The following RALY variants were observed in gnomAD, a reference collection of about 807,000 sequenced individuals.
RALY encodes the protein RNA-binding protein Raly.
In RALY, 15 loss-of-function variants were observed where a neutral mutation model predicts 30.7. The ratio of observed to expected loss-of-function variants is 0.49; its 90% confidence interval spans 0.33 to 0.75. RALY has a LOEUF of 0.75. RALY is among the 30% of genes least tolerant of loss of function. RALY has a pLI of 0.02. For synonymous variants in RALY, 177 were observed against 170.8 expected (o/e 1.04, Z -0.28); for missense variants, 339 against 414.3 (o/e 0.82, Z 1.58).
intron 2 of RALY, among the ~76,000 whole-genome samples, chr20:34,064,413 G>T (rs1185553573): frequency 6.6e-6 from 1 of 152,152 alleles, no homozygotes; most frequent in East Asian, 1.9e-4. Flanking sequence ...ATTAGATATG[G>T]ATACCAATGT....
rs781060935 is a variant in RALY at position 34,077,095 on chromosome 20, T to A, written c.726T>A (p.Gly242=). The change falls in exon 8 of 10, where the codon GGT becomes GGA. Residue 242 remains glycine (G), a synonymous_variant. Transcript: ENST00000246194. The part of the protein sequence containing the change: ...GGGGGGGSGG[G]GSGGGGGGGS... ...GCGGTGGTGGTGGCAGCGGTGGCGG[T>A]GGCAGTGGTGGTGGCGGTGGCGGTG... 3.1e-5 allele frequency: 49 copies of A among 1,603,552 alleles called. No homozygotes were observed. The highest frequency in any genetic ancestry group is 3.9e-5 in the Non-Finnish European group (46 of 1,175,032).
Position 34,079,962 on chromosome 20 carries a change from T to G in RALY, c.*57T>G, listed in dbSNP as rs753723061. 64 of 152,466 alleles carry G rather than the reference T, an allele frequency of 4.2e-4. No individual in the cohort carries two copies. The highest frequency in any genetic ancestry group is 7.5e-4 in the Non-Finnish European group (51 of 68,240). The allele number at this position is 152,466 out of a possible 1,614,324, so 9.4% of individuals were successfully genotyped here. On this transcript the variant is annotated 3_prime_UTR_variant, in exon 10 of 10. Coordinates refer to ENST00000246194, the MANE Select transcript of RALY (RefSeq NM_016732.3). ...GTGAAGGGCATCGCTGCCCCAGGCC[T>G]CAAGCCGGGCACCCAACCCTGGATG...
At position 33,993,959 on chromosome 20, in the gene RALY, C is replaced by T. The variant is rs943373415; in HGVS notation, c.-265C>T. On this transcript the variant is annotated 5_prime_UTR_variant, in exon 1 of 10. Coordinates refer to ENST00000246194, the MANE Select transcript of RALY (RefSeq NM_016732.3). Reference sequence around the variant, plus strand: ...CGGCGCCAGCTCGGGGCAGCGGAACCCAGAGAAGCTGAGGGGGCGGTAGCG... The same window carrying T: ...CGGCGCCAGCTCGGGGCAGCGGAACTCAGAGAAGCTGAGGGGGCGGTAGCG... The T allele has an allele frequency of 2.0e-5, 3 of 152,038 alleles. No homozygotes were observed. The highest frequency in any genetic ancestry group is 2.9e-5 in the Non-Finnish European group (2 of 67,986). 9.4% of individuals were successfully genotyped at this position (152,038 alleles called of 1,614,324 possible).
intron 3 of RALY, among the ~76,000 whole-genome samples, chr20:34,072,964 G>GAA (rs1238521124): frequency 1.3e-5 from 2 of 151,888 alleles, no homozygotes; most frequent in Non-Finnish European, 2.9e-5. Context: ...GTGTGTGAGA[G>GAA]AGAGAACATA....
chr20:34,069,248 G>C (rs1474882085), intron 2 of RALY, among the ~76,000 whole-genome samples: 3 of 152,210 alleles, frequency 2.0e-5, no homozygotes, highest in Non-Finnish European at 4.4e-5. Context: ...ACAAGATCTT[G>C]TGAAGGGCTT....
intron 2 of RALY, among the ~76,000 whole-genome samples, chr20:34,036,931 T>C (rs2032517722): frequency 6.6e-6 from 1 of 152,152 alleles, no homozygotes; most frequent in Admixed American, 6.5e-5. Flanking sequence ...TTTTTTATTA[T>C]TTTCTGTTTT....
chr20:34,072,398 A>AC, intron 3 of RALY, 68 bp downstream of exon 3: 1 of 1,517,502 alleles, frequency 6.6e-7, no homozygotes, highest in Non-Finnish European at 8.8e-7. Flanking sequence ...CCAGTTCTCA[A>AC]CCCCCTTCTC....
chr20:34,051,511 T>C (rs1249742265), intron 2 of RALY, among the ~76,000 whole-genome samples: 5 of 152,332 alleles, frequency 3.3e-5, no homozygotes, highest in Admixed American at 3.3e-4. Context: ...GTACAGAACA[T>C]GTGTTAGGAG....
At chr20:34,022,409 A>G (rs2031862997) in intron 1 of RALY, among the ~76,000 whole-genome samples, 1 of 152,004 alleles carries the variant, frequency 6.6e-6, no homozygotes, top group South Asian at 2.1e-4. Flanking sequence ...TTGTGGGTGG[A>G]GGGGCTTATG....
chr20:34,041,418 CAG>C (rs1474810090), intron 2 of RALY, among the ~76,000 whole-genome samples: 2 of 152,224 alleles, frequency 1.3e-5, no homozygotes, highest in African/African-American at 4.8e-5. Context: ...CTTTATGTGA[CAG>C]AGCCAGGGGC....
chr20:34,050,823 A>G (rs189435924), intron 2 of RALY, among the ~76,000 whole-genome samples: 31 of 152,256 alleles, frequency 2.0e-4, no homozygotes, highest in Non-Finnish European at 3.7e-4. Flanking sequence ...CCAGTATGCT[A>G]TCTCTATTCA....
intron 1 of RALY, among the ~76,000 whole-genome samples, chr20:34,022,127 A>G (rs1350565353): frequency 2.1e-5 from 3 of 140,986 alleles, no homozygotes; most frequent in Non-Finnish European, 3.1e-5. Flanking sequence ...ACAATGTCTC[A>G]CTTGGCTGCC....
intron 5 of RALY, among the ~76,000 whole-genome samples, chr20:34,074,118 G>A (rs1463447816): frequency 2.0e-5 from 3 of 152,148 alleles, no homozygotes; most frequent in African/African-American, 7.2e-5. Context: ...CTTGGGTGAG[G>A]CTCAAGGAGA....
chr20:34,016,920 C>G (rs1453827884), intron 1 of RALY, among the ~76,000 whole-genome samples: 1 of 152,236 alleles, frequency 6.6e-6, no homozygotes, highest in African/African-American at 2.4e-5. Flanking sequence ...TGTAGCCAGG[C>G]CTGGGGAGCC....
chr20:34,021,513 T>C (rs974004711), intron 1 of RALY, among the ~76,000 whole-genome samples: 1 of 152,178 alleles, frequency 6.6e-6, no homozygotes, highest in Non-Finnish European at 1.5e-5. Flanking sequence ...GCAGACACTT[T>C]CCTGCAGTAA....
intron 2 of RALY, among the ~76,000 whole-genome samples, chr20:34,036,008 G>A (rs961805814): frequency 2.0e-5 from 3 of 152,150 alleles, no homozygotes; most frequent in Non-Finnish European, 2.9e-5. Flanking sequence ...TGGAGTAAAC[G>A]AAGGGGGAGA....
intron 2 of RALY, among the ~76,000 whole-genome samples, chr20:34,059,864 C>G (rs2123209430): frequency 6.6e-6 from 1 of 152,278 alleles, no homozygotes; most frequent in South Asian, 2.1e-4. Context: ...GGCCCTGTTG[C>G]CCAGCAGGGG....
At chr20:34,027,022 A>T (rs1449686777) in intron 1 of RALY, among the ~76,000 whole-genome samples, 1 of 152,068 alleles carries the variant, frequency 6.6e-6, no homozygotes, top group African/African-American at 2.4e-5. Flanking sequence ...ATGACCCAAG[A>T]CCCATATGAC....
chr20:34,072,957 T>A lies in RALY; in HGVS notation c.257-606T>A, dbSNP rs868622716. ...GTGTGTGTGTGTGTGTGTGTGTGTG[T>A]GTGAGAGAGAGAACATATTTGAATG... On this transcript the variant is annotated intron_variant, in intron 3 of 9. Transcript: ENST00000246194. Among the ~76,000 whole-genome samples the A allele has an allele frequency of 2.0e-3, 239 of 116,810 alleles. 1 individual carries two copies. In the South Asian group the frequency reaches 0.024, roughly 12 times the overall value. 76.6% of individuals were successfully genotyped at this position (116,810 alleles called of 152,430 possible).
Sources: allele counts gnomAD v4.1 joint callset (sites outside exome capture counted in the v4.1 genomes callset), GRCh38; gene constraint gnomAD v4.1.1; transcripts MANE v1.5; gene names NCBI Gene and HGNC (gene_info 2026-07-23, HGNC 2026-07-21).